Variants in USP17L2 observed in about 807,000 individuals in gnomAD.
USP17L2 encodes the protein ubiquitin carboxyl-terminal hydrolase 17.
A neutral mutation model predicts 39.8 loss-of-function variants in USP17L2; 29 were observed. The observed-to-expected ratio is 0.73, with a 90% CI of 0.54 to 0.99. USP17L2 has a LOEUF of 0.99. USP17L2 is among the 50% of genes least tolerant of loss of function. USP17L2 has a pLI of 0.00. For synonymous variants in USP17L2, 231 were observed against 252.7 expected (o/e 0.91, Z 0.81); for missense variants, 567 against 647.2 (o/e 0.88, Z 1.35).
In USP17L2 at chr8:12,138,761, G is replaced by T; in HGVS notation, c.-1C>A. ...CCAAGTAGAGTGAGTCGTCCTCCAT[G>T]TCGCCCGCAACAAGGATCACAAGGT... On this transcript the variant is annotated 5_prime_UTR_variant, in exon 1 of 1. Transcript: ENST00000333796. The T allele has an allele frequency of 7.8e-7, 1 of 1,287,428 alleles. No homozygotes were observed. Among genetic ancestry groups the T allele is most frequent in the Non-Finnish European group, 1.1e-6 (1 of 919,714 alleles). The allele number at this position is 1,287,428 out of a possible 1,614,324, so 79.8% of individuals were successfully genotyped here.
chr8:12,137,749 A>G lies in USP17L2; in HGVS notation c.1012T>C (p.Tyr338His), dbSNP rs776600304. 6.6e-6 allele frequency: 10 copies of G among 1,518,286 alleles called. 3 individuals carry two copies. Among genetic ancestry groups the G allele is most frequent in the Non-Finnish European group, 8.9e-6 (10 of 1,122,694 alleles). 94.1% of individuals were successfully genotyped at this position (1,518,286 alleles called of 1,614,324 possible). A position where few individuals can be genotyped will look rare whatever the true frequency, so the allele number is the denominator to read the frequency against. The change falls in exon 1 of 1, where the codon TAT (tyrosine) becomes CAT (histidine). Residue 338 changes from tyrosine (Y) to histidine (H), a missense_variant. Around this residue, in one of 6 missense-constraint regions of USP17L2, gnomAD observed 304 missense variants for 254.7 expected, o/e 1.19. Coordinates refer to ENST00000333796, the MANE Select transcript of USP17L2 (RefSeq NM_201402.3). ...CACTGGCCTTCTTGAGCTTTGACAT[A>G]AGAGAAGTAATGTCCGTCGTGACAA... Reference protein sequence around the residue: ...WSCHDGHYFSYVKAQEGQWYK... With the variant: ...WSCHDGHYFSHVKAQEGQWYK...
In USP17L2 at chr8:12,137,553, G is replaced by A. The variant is rs75807755; in HGVS notation, c.1208C>T (p.Ala403Val). ...GTCTCTCTTGAGCTCTCCTTGCGTT[G>A]CTCGCCTGTCTGTGTCTTCAGCGCC... ...ALGAEDTDRR[A>V]TQGELKRDHP... Residue 403 changes from alanine to valine, a missense_variant, in exon 1 of 1, where the codon GCA becomes GTA. By Grantham distance (64) the Ala-to-Val change is moderately conservative. Coordinates refer to ENST00000333796, the MANE Select transcript of USP17L2 (RefSeq NM_201402.3). 0.24 allele frequency: 356,392 copies of A among 1,492,986 alleles called. 55,356 individuals carry two copies. The highest frequency in any genetic ancestry group is 0.54 in the East Asian group (20,626 of 38,192). 92.5% of individuals were successfully genotyped at this position (1,492,986 alleles called of 1,614,324 possible).
In USP17L2 at chr8:12,137,096, C is replaced by T. The variant is rs1282396318; in HGVS notation, c.*72G>A. 339 of 1,440,340 alleles carry T rather than the reference C, an allele frequency of 2.4e-4. 41 individuals are homozygous for T. Among genetic ancestry groups the T allele is most frequent in the Admixed American group, 2.1e-3 (116 of 55,350 alleles). 89.2% of individuals were successfully genotyped at this position (1,440,340 alleles called of 1,614,324 possible). ...GTGTGTGTGTGTGTGTTTGCGTGCG[C>T]GCTTGTGGGTGTATTTGTGCGTGTG... On this transcript the variant is annotated 3_prime_UTR_variant, in exon 1 of 1. Coordinates refer to ENST00000333796, the MANE Select transcript of USP17L2 (RefSeq NM_201402.3).
chr8:12,137,043 T>A lies in USP17L2; in HGVS notation c.*125A>T. ...ACAGAAACTTGGACTCCTCATTACTTTATGTAGGATTGACGGTGTTCGTGT... is the reference window on the plus strand; with the variant it reads ...ACAGAAACTTGGACTCCTCATTACTATATGTAGGATTGACGGTGTTCGTGT... On this transcript the variant is annotated 3_prime_UTR_variant, in exon 1 of 1. Transcript: ENST00000333796. The A allele has an allele frequency of 1.6e-6, 2 of 1,213,952 alleles. 1 individual carries two copies. The highest frequency in any genetic ancestry group is 2.3e-6 in the Non-Finnish European group (2 of 863,744). The allele number at this position is 1,213,952 out of a possible 1,614,324, so 75.2% of individuals were successfully genotyped here.
Position 12,138,579 on chromosome 8 carries a change from T to C in USP17L2, c.182A>G (p.Gln61Arg). ...LCDDLAPVAR[Q>R]LAPRKKLPLS... ...AGGAAGCTTCTTCCTGGGAGCAAGC[T>C]GTCTTGCCACAGGAGCCAAATCATC... Residue 61 changes from glutamine to arginine, a missense_variant, in exon 1 of 1, where the codon CAG becomes CGG. Physicochemically the swap from Gln to Arg is conservative, Grantham distance 43 (BLOSUM62 1). Coordinates refer to ENST00000333796, the MANE Select transcript of USP17L2 (RefSeq NM_201402.3). 6.5e-7 allele frequency: 1 copy of C among 1,530,970 alleles called. No individual in the cohort carries two copies. The highest frequency in any genetic ancestry group is 8.8e-7 in the Non-Finnish European group (1 of 1,135,300). The allele number at this position is 1,530,970 out of a possible 1,614,324, so 94.8% of individuals were successfully genotyped here. A position where few individuals can be genotyped will look rare whatever the true frequency, so the allele number is the denominator to read the frequency against.
At position 12,136,718 on chromosome 8, in the gene USP17L2, A is replaced by T. The variant is rs187403172; in HGVS notation, c.*450T>A. Among the ~76,000 whole-genome samples, 30 of 140,768 alleles carry T rather than the reference A, an allele frequency of 2.1e-4. 2 individuals are homozygous for T. Among genetic ancestry groups the T allele is most frequent in the Admixed American group, 3.6e-4 (5 of 13,856 alleles). 92.3% of individuals were successfully genotyped at this position (140,768 alleles called of 152,430 possible). A position where few individuals can be genotyped will look rare whatever the true frequency, so the allele number is the denominator to read the frequency against. On this transcript the variant is annotated 3_prime_UTR_variant, in exon 1 of 1. Transcript: ENST00000333796. ...TCCACTATTCAAGGTGGCGAGAATG[A>T]TCCATGGATGTGCCACATGAGCAAA...
Position 12,136,478 on chromosome 8 carries a change from G to A in USP17L2, c.*690C>T, listed in dbSNP as rs1205391560. Among the ~76,000 whole-genome samples the A allele has an allele frequency of 7.1e-6, 1 of 140,612 alleles. No homozygotes were observed. The highest frequency in any genetic ancestry group is 2.7e-5 in the African/African-American group (1 of 37,284). The allele number at this position is 140,612 out of a possible 152,430, so 92.2% of individuals were successfully genotyped here. A position where few individuals can be genotyped will look rare whatever the true frequency, so the allele number is the denominator to read the frequency against. On this transcript the variant is annotated 3_prime_UTR_variant, in exon 1 of 1. Transcript: ENST00000333796. ...TTATCAATACGACTTATTTCCAAAT[G>A]ACTGACATGCCAGTGGGAAAATTTT... is the stretch of plus-strand genomic sequence containing the variant.
In USP17L2 at chr8:12,137,519, G is replaced by A. The variant is rs1803288066; in HGVS notation, c.1242C>T (p.Cys414=). The A allele has an allele frequency of 1.2e-5, 18 of 1,533,050 alleles. 2 individuals carry two copies. The highest frequency in any genetic ancestry group is 1.5e-5 in the Non-Finnish European group (17 of 1,135,174). The allele number at this position is 1,533,050 out of a possible 1,614,324, so 95.0% of individuals were successfully genotyped here. A position where few individuals can be genotyped will look rare whatever the true frequency, so the allele number is the denominator to read the frequency against. The change falls in exon 1 of 1, where the codon TGC becomes TGT. Residue 414 remains cysteine (C), a synonymous_variant. Transcript: ENST00000333796. ...TQGELKRDHP[C]LQAPELDERL... is the part of the protein sequence containing the mutation. ...GCTCGTCCAACTCGGGTGCCTGGAG[G>A]CAGGGGTGGTCTCTCTTGAGCTCTC... is the stretch of plus-strand genomic sequence containing the variant.
chr8:12,138,593 A>G lies in USP17L2; in HGVS notation c.168T>C (p.Ala56=). 4 of 1,530,958 alleles carry G rather than the reference A, an allele frequency of 2.6e-6. No homozygotes were observed. The highest frequency in any genetic ancestry group is 5.2e-5 in the East Asian group (2 of 38,470). The allele number at this position is 1,530,958 out of a possible 1,614,324, so 94.8% of individuals were successfully genotyped here. A position where few individuals can be genotyped will look rare whatever the true frequency, so the allele number is the denominator to read the frequency against. ...TGGGAGCAAGCTGTCTTGCCACAGG[A>G]GCCAAATCATCACAGAGGTCGACAC... The part of the protein sequence containing the change: ...EARVDLCDDL[A]PVARQLAPRK... The change falls in exon 1 of 1, where the codon GCT becomes GCC. Residue 56 remains alanine, a synonymous_variant. Transcript: ENST00000333796.
In USP17L2 at chr8:12,137,475, G is replaced by A; in HGVS notation, c.1286C>T (p.Thr429Ile). ...CCAGTGGTCTAAGGTGCTTTCCTGA[G>A]TGGCTCTTTCCACCAAGCGCTCGTC... is the stretch of plus-strand genomic sequence containing the variant. ...ELDERLVERATQESTLDHWKF... is the reference protein window; with the variant it reads ...ELDERLVERAIQESTLDHWKF... The change falls in exon 1 of 1, where the codon ACT becomes ATT. Residue 429 changes from threonine to isoleucine, a missense_variant. By Grantham distance (89) the Thr-to-Ile change is moderately conservative. This residue lies in a region of USP17L2 where 304 missense variants were observed against 254.7 expected (regional missense o/e 1.19). Transcript: ENST00000333796. 2.0e-6 allele frequency: 3 copies of A among 1,532,764 alleles called. No individual in the cohort carries two copies. The highest frequency in any genetic ancestry group is 1.8e-5 in the Admixed American group (1 of 55,938). 94.9% of individuals were successfully genotyped at this position (1,532,764 alleles called of 1,614,324 possible).
Position 12,138,837 on chromosome 8 carries a change from G to A in USP17L2, c.-77C>T. ...GCAAGACGCTATCTCTTCCAAGAGA[G>A]TCTTCAAATGACGAGCTCTCTGGCC... On this transcript the variant is annotated 5_prime_UTR_variant, in exon 1 of 1. Coordinates refer to ENST00000333796, the MANE Select transcript of USP17L2 (RefSeq NM_201402.3). 2 of 981,032 alleles carry A rather than the reference G, an allele frequency of 2.0e-6. No individual in the cohort carries two copies. Among genetic ancestry groups the A allele is most frequent in the South Asian group, 2.9e-5 (2 of 69,220 alleles). The allele number at this position is 981,032 out of a possible 1,614,324, so 60.8% of individuals were successfully genotyped here. A position where few individuals can be genotyped will look rare whatever the true frequency, so the allele number is the denominator to read the frequency against.
chr8:12,138,567 C>G lies in USP17L2; in HGVS notation c.194G>C (p.Arg65Thr). The change falls in exon 1 of 1, where the codon AGG becomes ACG. Residue 65 changes from arginine to threonine, a missense_variant. Physicochemically the swap from Arg to Thr is moderately conservative, Grantham distance 71. This residue lies in a region of USP17L2 where 120 missense variants were observed against 111.0 expected (regional missense o/e 1.08). Coordinates refer to ENST00000333796, the MANE Select transcript of USP17L2 (RefSeq NM_201402.3). ...CCTGCTACTCAGAGGAAGCTTCTTC[C>G]TGGGAGCAAGCTGTCTTGCCACAGG... ...LAPVARQLAP[R>T]KKLPLSSRRP... 6.5e-7 allele frequency: 1 copy of G among 1,531,016 alleles called. No homozygotes were observed. The highest frequency in any genetic ancestry group is 8.8e-7 in the Non-Finnish European group (1 of 1,135,460). The allele number at this position is 1,531,016 out of a possible 1,614,324, so 94.8% of individuals were successfully genotyped here.
In USP17L2 at chr8:12,138,745, G is replaced by C. The variant is rs771858624; in HGVS notation, c.16C>G (p.Leu6Val). 5 of 1,372,666 alleles carry C rather than the reference G, an allele frequency of 3.6e-6. 2 individuals are homozygous for C. In the East Asian group the frequency reaches 1.3e-4, roughly 37 times the overall value. 85.0% of individuals were successfully genotyped at this position (1,372,666 alleles called of 1,614,324 possible). A position where few individuals can be genotyped will look rare whatever the true frequency, so the allele number is the denominator to read the frequency against. ...AACTGCCACTCACCTCCCAAGTAGA[G>C]TGAGTCGTCCTCCATGTCGCCCGCA... MEDDS[L>V]YLGGEWQFNH... Residue 6 changes from leucine to valine, a missense_variant, in exon 1 of 1, where the codon CTC (leucine) becomes GTC (valine). Leu to Val is a conservative substitution (Grantham distance 32). This residue lies in a region of USP17L2 where 120 missense variants were observed against 111.0 expected (regional missense o/e 1.08). Coordinates refer to ENST00000333796, the MANE Select transcript of USP17L2 (RefSeq NM_201402.3).
rs1405614913 is a variant in USP17L2, at chr8:12,137,446, A to G, written c.1315T>C (p.Phe439Leu). 5 of 1,532,462 alleles carry G rather than the reference A, an allele frequency of 3.3e-6. No individual in the cohort carries two copies. Among genetic ancestry groups the G allele is most frequent in the Non-Finnish European group, 4.4e-6 (5 of 1,135,392 alleles). 94.9% of individuals were successfully genotyped at this position (1,532,462 alleles called of 1,614,324 possible). A position where few individuals can be genotyped will look rare whatever the true frequency, so the allele number is the denominator to read the frequency against. Residue 439 changes from phenylalanine (F) to leucine (L), a missense_variant, in exon 1 of 1, where the codon TTC (phenylalanine) becomes CTC (leucine). Phe to Leu is a conservative substitution (Grantham distance 22). This residue lies in a region of USP17L2 where 304 missense variants were observed against 254.7 expected (regional missense o/e 1.19). Transcript: ENST00000333796. ...TTCGTTTTGTTTTGCTCTTGGGGGAATTTCCAGTGGTCTAAGGTGCTTTCC... is the reference window on the plus strand; with the variant it reads ...TTCGTTTTGTTTTGCTCTTGGGGGAGTTTCCAGTGGTCTAAGGTGCTTTCC... ...TQESTLDHWKFPQEQNKTKPE... is the reference protein window; with the variant it reads ...TQESTLDHWKLPQEQNKTKPE...
chr8:12,136,702 C>G lies in USP17L2; in HGVS notation c.*466G>C, dbSNP rs1164319519. On this transcript the variant is annotated 3_prime_UTR_variant, in exon 1 of 1. Coordinates refer to ENST00000333796, the MANE Select transcript of USP17L2 (RefSeq NM_201402.3). ...TAAATGCATTCCAGTTTCCACTATT[C>G]AAGGTGGCGAGAATGATCCATGGAT... Among the ~76,000 whole-genome samples, 2 of 140,508 alleles carry G rather than the reference C, an allele frequency of 1.4e-5. No individual in the cohort carries two copies. Among genetic ancestry groups the G allele is most frequent in the African/African-American group, 5.4e-5 (2 of 37,224 alleles). 92.2% of individuals were successfully genotyped at this position (140,508 alleles called of 152,430 possible).
Position 12,136,541 on chromosome 8 carries a change from G to A in USP17L2, c.*627C>T, listed in dbSNP as rs189196814. ...ATTGGAATTGGACATCGTGAAACAG[G>A]CAAGTCGGTCTGTCTGTTTCCGGCG... On this transcript the variant is annotated 3_prime_UTR_variant, in exon 1 of 1. Transcript: ENST00000333796. Among the ~76,000 whole-genome samples the A allele has an allele frequency of 5.0e-3, 702 of 140,392 alleles. 55 individuals are homozygous for A. The highest frequency in any genetic ancestry group is 7.6e-3 in the Non-Finnish European group (494 of 64,808). 92.1% of individuals were successfully genotyped at this position (140,392 alleles called of 152,430 possible).
Position 12,136,660 on chromosome 8 carries a change from G to A in USP17L2, c.*508C>T, listed in dbSNP as rs1441938446. Among the ~76,000 whole-genome samples the A allele has an allele frequency of 7.1e-6, 1 of 140,348 alleles. No homozygotes were observed. The highest frequency in any genetic ancestry group is 7.3e-5 in the Admixed American group (1 of 13,782). The allele number at this position is 140,348 out of a possible 152,430, so 92.1% of individuals were successfully genotyped here. A position where few individuals can be genotyped will look rare whatever the true frequency, so the allele number is the denominator to read the frequency against. ...CGGTGAGCCAGGGTAAGAAAGAAGA[G>A]CACCGTTCCTATCTTCTAAATGCAT... is the stretch of plus-strand genomic sequence containing the variant. On this transcript the variant is annotated 3_prime_UTR_variant, in exon 1 of 1. Transcript: ENST00000333796.
Position 12,137,297 on chromosome 8 carries a change from G to A in USP17L2, c.1464C>T (p.Asn488=), listed in dbSNP as rs1178147227. ...GATCTGTCCGGGTCGTCGAAGAGAG[G>A]TTTAGCAGGGAGCTTTGCTGTTCAG... ...HHPEQQSSLL[N]LSSTTRTDQE... The change falls in exon 1 of 1, where the codon AAC becomes AAT. Residue 488 remains asparagine (N), a synonymous_variant. Transcript: ENST00000333796. 1.3e-6 allele frequency: 2 copies of A among 1,531,218 alleles called. No homozygotes were observed. The highest frequency in any genetic ancestry group is 3.6e-5 in the Admixed American group (2 of 55,854). The allele number at this position is 1,531,218 out of a possible 1,614,324, so 94.9% of individuals were successfully genotyped here.
chr8:12,136,864 G>T lies in USP17L2; in HGVS notation c.*304C>A, dbSNP rs1803242620. ...CCTACACGTCAGTAGGTCATATTCA[G>T]AAATACACAGTGAATGTCATCTACC... On this transcript the variant is annotated 3_prime_UTR_variant, in exon 1 of 1. Coordinates refer to ENST00000333796, the MANE Select transcript of USP17L2 (RefSeq NM_201402.3). Among the ~76,000 whole-genome samples the T allele has an allele frequency of 7.1e-6, 1 of 140,404 alleles. No homozygotes were observed. 92.1% of individuals were successfully genotyped at this position (140,404 alleles called of 152,430 possible). A position where few individuals can be genotyped will look rare whatever the true frequency, so the allele number is the denominator to read the frequency against.
Sources: gnomAD v4.1 joint callset for allele counts (sites outside exome capture counted in the v4.1 genomes callset) on GRCh38, gnomAD v4.1.1 for gene constraint, gnomAD v4.1.1 regional missense constraint, MANE v1.5 for transcripts, NCBI Gene and HGNC (gene_info 2026-07-23, HGNC 2026-07-21) for gene names.